The following CMTM5 variants were observed in gnomAD, a reference collection of about 807,000 sequenced individuals.
The protein encoded by CMTM5 is CKLF-like MARVEL transmembrane domain-containing protein 5.
A neutral mutation model predicts 26.9 loss-of-function variants in CMTM5; 25 were observed. The observed-to-expected ratio is 0.93, with a 90% CI of 0.68 to 1.30. The LOEUF (loss-of-function observed/expected upper bound fraction) is 1.30, where lower values mean the gene tolerates loss of function less well. Among genes scored for constraint, CMTM5 ranks in the 50% most tolerant of loss-of-function variants. The probability of loss-of-function intolerance (pLI) is 0.00; values close to 1 mark genes in which losing one functional copy is unlikely to be tolerated. For missense variants in CMTM5, 292 were observed against 289.6 expected, an observed-to-expected ratio of 1.01 and a Z score of -0.06; for synonymous variants, 98 against 115.5, an observed-to-expected ratio of 0.85 and a Z score of 0.97.
In CMTM5 at chr14:23,377,334, C is replaced by A; in HGVS notation, c.83C>A (p.Ala28Asp). ...CTCCAGGGCTTCGCGGTGGACAAGG[C>A]CTTCCTCACCTCCCACAAGGGCATC... The part of the protein sequence containing the change: ...AELQGFAVDK[A>D]FLTSHKGILL... The change falls in exon 1 of 6, where the codon GCC becomes GAC. Residue 28 changes from alanine to aspartate, a missense_variant. Transcript: ENST00000339180. The surrounding 1 kb of genome is among the most constrained non-coding windows in gnomAD (Gnocchi z 4.6). 1.2e-6 allele frequency: 2 copies of A among 1,606,400 alleles called. No homozygotes were observed. Among genetic ancestry groups the A allele is most frequent in the East Asian group, 4.5e-5 (2 of 44,472 alleles).
Position 23,379,591 on chromosome 14 carries a change from C to T in CMTM5, c.*104C>T, listed in dbSNP as rs535603354. 61 of 1,562,118 alleles carry T rather than the reference C, an allele frequency of 3.9e-5. No homozygotes were observed. The South Asian group carries it at 6.4e-4, about 16-fold the overall frequency. On this transcript the variant is annotated 3_prime_UTR_variant, in exon 6 of 6. Transcript: ENST00000339180. ...AGCCCCCAGCCCGCCAAACCCCACC[C>T]CAGCCCTACACAGCAGTCTGGCCTG... is the stretch of plus-strand genomic sequence containing the variant.
At position 23,378,660 on chromosome 14, in the gene CMTM5, A is replaced by G. The variant is rs763516277; in HGVS notation, c.280-9A>G. ...CAAAGGTGTGCTTTGACTCACACTG[A>G]TTTCACAGCTGCAGGGCCACGGGCA... On this transcript the variant is annotated splice_polypyrimidine_tract_variant and intron_variant, in intron 2 of 5. Transcript: ENST00000339180. The surrounding 1 kb of genome is among the most constrained non-coding windows in gnomAD (Gnocchi z 4.2). 2.5e-6 allele frequency: 4 copies of G among 1,613,214 alleles called. No homozygotes were observed. In the East Asian group the frequency reaches 8.9e-5, roughly 36 times the overall value.
Position 23,377,735 on chromosome 14 carries a change from T to A in CMTM5, c.126+358T>A. ...TAACTATCAAAAAGGGCAGACTTCCTGCAACTGCACTTTATCTGTGGTCTG... is the reference window on the plus strand; with the variant it reads ...TAACTATCAAAAAGGGCAGACTTCCAGCAACTGCACTTTATCTGTGGTCTG... On this transcript the variant is annotated intron_variant, in intron 1 of 5. Transcript: ENST00000339180. This position sits in a 1 kb window ranked among gnomAD's most constrained non-coding sequence, Gnocchi z 4.6. 1 of 228,018 alleles carries A rather than the reference T, an allele frequency of 4.4e-6. No individual in the cohort carries two copies. Among genetic ancestry groups the A allele is most frequent in the Non-Finnish European group, 8.5e-6 (1 of 117,148 alleles). The allele number at this position is 228,018 out of a possible 1,614,324, so 14.1% of individuals were successfully genotyped here. A position where few individuals can be genotyped will look rare whatever the true frequency, so the allele number is the denominator to read the frequency against.
Position 23,379,625 on chromosome 14 carries a change from C to T in CMTM5, c.*138C>T. On this transcript the variant is annotated 3_prime_UTR_variant, in exon 6 of 6. Transcript: ENST00000339180. ...CACAGCAGTCTGGCCTGAGACGTCA[C>T]TGGGGACTTATCTGTGGAGCCTGGT... 7.4e-7 allele frequency: 1 copy of T among 1,346,394 alleles called. No homozygotes were observed. Among genetic ancestry groups the T allele is most frequent in the African/African-American group, 1.5e-5 (1 of 67,186 alleles). 83.4% of individuals were successfully genotyped at this position (1,346,394 alleles called of 1,614,324 possible). A position where few individuals can be genotyped will look rare whatever the true frequency, so the allele number is the denominator to read the frequency against.
In CMTM5 at chr14:23,378,780, C is replaced by G; in HGVS notation, c.391C>G (p.Pro131Ala). The G allele has an allele frequency of 6.2e-7, 1 of 1,612,496 alleles. No homozygotes were observed. The highest frequency in any genetic ancestry group is 8.5e-7 in the Non-Finnish European group (1 of 1,179,794). Residue 131 changes from proline (P) to alanine (A), a missense_variant, in exon 3 of 6, where the codon CCA becomes GCA. By Grantham distance (27) the Pro-to-Ala change is conservative. Coordinates refer to ENST00000339180, the MANE Select transcript of CMTM5 (RefSeq NM_001288746.2). The surrounding 1 kb of genome is among the most constrained non-coding windows in gnomAD (Gnocchi z 4.2). ...CTTGACCCCCCCGGGCTGGCATACT[C>G]CAGCCGCTGTCCCCTGGGTTCCAGC... The part of the protein sequence containing the change: ...PGLTPPGWHT[P>A]AAVPWVPAPA...
rs2138566308 is a variant in CMTM5 at position 23,377,563 on chromosome 14, C to T, written c.126+186C>T. ...TTCTTGCTGCCTCTCCACCCGGAGA[C>T]ATTTACAGCAGGTTTCAGTTGCAGC... On this transcript the variant is annotated intron_variant, in intron 1 of 5. Coordinates refer to ENST00000339180, the MANE Select transcript of CMTM5 (RefSeq NM_001288746.2). This position sits in a 1 kb window ranked among gnomAD's most constrained non-coding sequence, Gnocchi z 4.6. The T allele has an allele frequency of 3.4e-6, 2 of 585,144 alleles. No individual in the cohort carries two copies. The highest frequency in any genetic ancestry group is 3.1e-5 in the South Asian group (1 of 32,006). The allele number at this position is 585,144 out of a possible 1,614,324, so 36.2% of individuals were successfully genotyped here.
At position 23,379,711 on chromosome 14, in the gene CMTM5, G is replaced by A. The variant is rs146620014; in HGVS notation, c.*224G>A. 6 of 960,732 alleles carry A rather than the reference G, an allele frequency of 6.2e-6. 1 individual carries two copies. The highest frequency in any genetic ancestry group is 1.7e-5 in the South Asian group (1 of 58,104). 59.5% of individuals were successfully genotyped at this position (960,732 alleles called of 1,614,324 possible). The stretch of plus-strand genomic sequence containing the variant: ...GAGGAGGGGAACTTATTGGGGGAGG[G>A]GGGGTGGAGGGGAGGAATCTGGACC... On this transcript the variant is annotated 3_prime_UTR_variant, in exon 6 of 6. Coordinates refer to ENST00000339180, the MANE Select transcript of CMTM5 (RefSeq NM_001288746.2).
Position 23,377,297 on chromosome 14 carries a change from G to C in CMTM5, c.46G>C (p.Val16Leu). The change falls in exon 1 of 6, where the codon GTA becomes CTA. Residue 16 changes from valine (V) to leucine (L), a missense_variant. Coordinates refer to ENST00000339180, the MANE Select transcript of CMTM5 (RefSeq NM_001288746.2). The surrounding 1 kb of genome is among the most constrained non-coding windows in gnomAD (Gnocchi z 4.6). The stretch of plus-strand genomic sequence containing the variant: ...CCGGGACCGGCACCCTGAGGAGGGG[G>C]TAGTTGCAGAGCTCCAGGGCTTCGC... ...DRRDRHPEEG[V>L]VAELQGFAVD... 6.2e-7 allele frequency: 1 copy of C among 1,612,388 alleles called. No individual in the cohort carries two copies. The highest frequency in any genetic ancestry group is 8.5e-7 in the Non-Finnish European group (1 of 1,179,232).
In CMTM5 at chr14:23,378,405, C is replaced by T. The variant is rs534356333; in HGVS notation, c.183C>T (p.Ala61=). ...CFTASISAYM[A]AALLEFFITL... ...CGGCCTCCATCTCTGCCTACATGGC[C>T]GCGGCGCTACTGGAGTTCTTCATCA... is the stretch of plus-strand genomic sequence containing the variant. Residue 61 remains alanine (A), a synonymous_variant, in exon 2 of 6, where the codon GCC becomes GCT. Transcript: ENST00000339180. This position sits in a 1 kb window ranked among gnomAD's most constrained non-coding sequence, Gnocchi z 4.2. The T allele has an allele frequency of 3.6e-5, 58 of 1,614,092 alleles. 1 individual carries two copies. Among genetic ancestry groups the T allele is most frequent in the South Asian group, 2.7e-4 (25 of 91,076 alleles).
chr14:23,378,055 C>A lies in CMTM5; in HGVS notation c.127-294C>A. 2.3e-6 allele frequency: 1 copy of A among 440,348 alleles called. No homozygotes were observed. The allele number at this position is 440,348 out of a possible 1,614,324, so 27.3% of individuals were successfully genotyped here. A position where few individuals can be genotyped will look rare whatever the true frequency, so the allele number is the denominator to read the frequency against. ...GCACAACTCCAGGGGCTGGCATTCA[C>A]ACTGTACCTATGAATTACTGTGGGA... is the stretch of plus-strand genomic sequence containing the variant. On this transcript the variant is annotated intron_variant, in intron 1 of 5. Transcript: ENST00000339180. This position sits in a 1 kb window ranked among gnomAD's most constrained non-coding sequence, Gnocchi z 4.2.
At position 23,378,450 on chromosome 14, in the gene CMTM5, C is replaced by G; in HGVS notation, c.228C>G (p.Leu76=). The G allele has an allele frequency of 6.2e-7, 1 of 1,614,178 alleles. No homozygotes were observed. The highest frequency in any genetic ancestry group is 8.5e-7 in the Non-Finnish European group (1 of 1,180,026). Residue 76 remains leucine, a synonymous_variant, in exon 2 of 6, where the codon CTC becomes CTG. Coordinates refer to ENST00000339180, the MANE Select transcript of CMTM5 (RefSeq NM_001288746.2). This position sits in a 1 kb window ranked among gnomAD's most constrained non-coding sequence, Gnocchi z 4.2. ...EFFITLAFLF[L]YATQYYQRFD... is the part of the protein sequence containing the mutation. ...TCATCACACTTGCCTTCCTCTTCCT[C>G]TATGCCACCCAGTACTACCAGCGCT...
chr14:23,378,278 G>A lies in CMTM5; in HGVS notation c.127-71G>A. The stretch of plus-strand genomic sequence containing the variant: ...GTGCCAGCCTAGGGGAGCTTCCAAG[G>A]AGGGGAAGGCAAAGCCCTGGCCCCT... On this transcript the variant is annotated intron_variant, in intron 1 of 5. Coordinates refer to ENST00000339180, the MANE Select transcript of CMTM5 (RefSeq NM_001288746.2). This position sits in a 1 kb window ranked among gnomAD's most constrained non-coding sequence, Gnocchi z 4.2. The A allele has an allele frequency of 1.3e-6, 2 of 1,555,754 alleles. No homozygotes were observed. The highest frequency in any genetic ancestry group is 1.8e-6 in the Non-Finnish European group (2 of 1,140,902).
chr14:23,379,636 T>C lies in CMTM5; in HGVS notation c.*149T>C. On this transcript the variant is annotated 3_prime_UTR_variant, in exon 6 of 6. Transcript: ENST00000339180. Reference sequence around the variant, plus strand: ...GGCCTGAGACGTCACTGGGGACTTATCTGTGGAGCCTGGTGCTCCAGGATG... The same window carrying C: ...GGCCTGAGACGTCACTGGGGACTTACCTGTGGAGCCTGGTGCTCCAGGATG... The C allele has an allele frequency of 6.7e-7, 1 of 1,488,256 alleles. No individual in the cohort carries two copies. The highest frequency in any genetic ancestry group is 8.9e-7 in the Non-Finnish European group (1 of 1,120,264). The allele number at this position is 1,488,256 out of a possible 1,614,324, so 92.2% of individuals were successfully genotyped here.
In CMTM5 at chr14:23,378,865, G is replaced by A. The variant is rs779286344; in HGVS notation, c.476G>A (p.Ser159Asn). The A allele has an allele frequency of 3.1e-6, 5 of 1,613,248 alleles. No homozygotes were observed. The South Asian group carries it at 4.4e-5, about 14-fold the overall frequency. Residue 159 changes from serine (S) to asparagine (N), a missense_variant, in exon 3 of 6, where the codon AGC (serine) becomes AAC (asparagine). By Grantham distance (46) the Ser-to-Asn change is conservative (BLOSUM62 1). Coordinates refer to ENST00000339180, the MANE Select transcript of CMTM5 (RefSeq NM_001288746.2). This position sits in a 1 kb window ranked among gnomAD's most constrained non-coding sequence, Gnocchi z 4.2. The stretch of plus-strand genomic sequence containing the variant: ...TTCATCTGCTTCCACTCCCTGGGTA[G>A]CAGTGTGAGCGCTCTGTCTCTTGAA... Reference protein sequence around the residue: ...LWFICFHSLGSSDFLRCVSAI... With the variant: ...LWFICFHSLGNSDFLRCVSAI...
chr14:23,377,599 G>T lies in CMTM5; in HGVS notation c.126+222G>T. Reference sequence around the variant, plus strand: ...GGTTTCAGTTGCAGCAGGAAGGACTGCAGTTAGACAGGGTGACTTTTTGGG... The same window carrying T: ...GGTTTCAGTTGCAGCAGGAAGGACTTCAGTTAGACAGGGTGACTTTTTGGG... On this transcript the variant is annotated intron_variant, in intron 1 of 5. Coordinates refer to ENST00000339180, the MANE Select transcript of CMTM5 (RefSeq NM_001288746.2). This position sits in a 1 kb window ranked among gnomAD's most constrained non-coding sequence, Gnocchi z 4.6. 1 of 483,652 alleles carries T rather than the reference G, an allele frequency of 2.1e-6. No individual in the cohort carries two copies. The highest frequency in any genetic ancestry group is 4.4e-5 in the South Asian group (1 of 22,940). The allele number at this position is 483,652 out of a possible 1,614,324, so 30.0% of individuals were successfully genotyped here. A position where few individuals can be genotyped will look rare whatever the true frequency, so the allele number is the denominator to read the frequency against.
Position 23,379,569 on chromosome 14 carries a change from C to G in CMTM5, c.*82C>G, listed in dbSNP as rs950306059. ...ACACGTCTCCTTGGGATTCACTAGC[C>G]CCCAGCCCGCCAAACCCCACCCCAG... On this transcript the variant is annotated 3_prime_UTR_variant, in exon 6 of 6. Coordinates refer to ENST00000339180, the MANE Select transcript of CMTM5 (RefSeq NM_001288746.2). 6.3e-7 allele frequency: 1 copy of G among 1,593,628 alleles called. No homozygotes were observed.
In CMTM5 at chr14:23,379,019, C is replaced by G. The variant is rs777893588; in HGVS notation, c.481-12C>G. ...TCTGAGGTCCTGTTAACCCTGCACC[C>G]CTGGCCCCCAGGACTTCCTGCGCTG... On this transcript the variant is annotated splice_polypyrimidine_tract_variant and intron_variant, in intron 3 of 5. Transcript: ENST00000339180. 11 of 1,613,934 alleles carry G rather than the reference C, an allele frequency of 6.8e-6. No homozygotes were observed. The highest frequency in any genetic ancestry group is 1.7e-5 in the Admixed American group (1 of 60,008).
chr14:23,377,143 G>A lies in CMTM5; in HGVS notation c.-109G>A. The A allele has an allele frequency of 2.7e-6, 4 of 1,456,000 alleles. No individual in the cohort carries two copies. The South Asian group carries it at 3.7e-5, about 14-fold the overall frequency. The allele number at this position is 1,456,000 out of a possible 1,614,324, so 90.2% of individuals were successfully genotyped here. ...GGCAAGCCTCCTGCTTCACTTTCAG[G>A]TTTCTCGAAGTGCCTTCTTGCTCCT... On this transcript the variant is annotated 5_prime_UTR_variant, in exon 1 of 6. Transcript: ENST00000339180. This position sits in a 1 kb window ranked among gnomAD's most constrained non-coding sequence, Gnocchi z 4.6.
At position 23,378,277 on chromosome 14, in the gene CMTM5, G is replaced by A; in HGVS notation, c.127-72G>A. 1 of 1,559,452 alleles carries A rather than the reference G, an allele frequency of 6.4e-7. No individual in the cohort carries two copies. The highest frequency in any genetic ancestry group is 1.2e-5 in the South Asian group (1 of 84,534). On this transcript the variant is annotated intron_variant, in intron 1 of 5. Transcript: ENST00000339180. This position sits in a 1 kb window ranked among gnomAD's most constrained non-coding sequence, Gnocchi z 4.2. Reference sequence around the variant, plus strand: ...GGTGCCAGCCTAGGGGAGCTTCCAAGGAGGGGAAGGCAAAGCCCTGGCCCC... The same window carrying A: ...GGTGCCAGCCTAGGGGAGCTTCCAAAGAGGGGAAGGCAAAGCCCTGGCCCC...
Sources: allele counts gnomAD v4.1 joint callset, GRCh38; gene constraint gnomAD v4.1.1; non-coding constraint Gnocchi (gnomAD v3.1); transcripts MANE v1.5; gene names NCBI Gene and HGNC (gene_info 2026-07-23, HGNC 2026-07-21).